The following COMMD10 variants were observed in gnomAD, a reference collection of about 807,000 sequenced individuals.
COMMD10 encodes the protein COMM domain containing 10.
In COMMD10, 33 loss-of-function variants were observed where a neutral mutation model predicts 28.9. The observed-to-expected ratio is 1.14, with a 90% CI of 0.87 to 1.53. The LOEUF (loss-of-function observed/expected upper bound fraction) is 1.53. Among genes scored for constraint, COMMD10 ranks in the 40% most tolerant of loss-of-function variants. The probability of loss-of-function intolerance (pLI) is 0.00; values close to 1 mark genes in which losing one functional copy is unlikely to be tolerated. For synonymous variants in COMMD10, 110 were observed against 81.7 expected, an observed-to-expected ratio of 1.35 and a Z score of -1.87; for missense variants, 310 against 233.4, an observed-to-expected ratio of 1.33 and a Z score of -2.14.
Position 116,104,613 on chromosome 5 carries a change from T to A in COMMD10, c.399+11913T>A, listed in dbSNP as rs557997343. Among the ~76,000 whole-genome samples, 7 of 151,994 alleles carry A rather than the reference T, an allele frequency of 4.6e-5. No individual in the cohort carries two copies. In the East Asian group the frequency reaches 1.4e-3, roughly 29 times the overall value. ...TAAACACAGACAATTTGACTTCCTC[T>A]TTTCTTTTTTTTCTTTTTTTTTTTG... On this transcript the variant is annotated intron_variant, in intron 4 of 6. Coordinates refer to ENST00000274458, the MANE Select transcript of COMMD10 (RefSeq NM_016144.4).
At chr5:116,102,963 C>T (rs1005154002) in intron 4 of COMMD10, among the ~76,000 whole-genome samples, 10 of 152,122 alleles carry the variant, frequency 6.6e-5, no homozygotes, top group East Asian at 3.9e-4. Flanking sequence ...TGATGGTTTC[C>T]GGCTTCATCC....
intron 5 of COMMD10, among the ~76,000 whole-genome samples, chr5:116,139,891 G>C (rs2112779845): frequency 6.6e-6 from 1 of 151,450 alleles, no homozygotes. Flanking sequence ...TTGTGTTTGT[G>C]GTTAAAGCAC....
chr5:116,271,454 A>G (rs1334908132), intron 5 of COMMD10, among the ~76,000 whole-genome samples: 2 of 151,428 alleles, frequency 1.3e-5, no homozygotes, highest in African/African-American at 4.9e-5. Context: ...TACTTTGTAT[A>G]CTTTTGTTTC....
chr5:116,244,217 T>C (rs1749883655), intron 5 of COMMD10, among the ~76,000 whole-genome samples: 1 of 152,086 alleles, frequency 6.6e-6, no homozygotes, highest in Non-Finnish European at 1.5e-5. Context: ...TTTCATTTTT[T>C]TTCTTTTTTA....
intron 5 of COMMD10, among the ~76,000 whole-genome samples, chr5:116,180,798 C>A (rs1260572008): frequency 1.3e-5 from 2 of 152,130 alleles, no homozygotes; most frequent in East Asian, 3.9e-4. Flanking sequence ...CTATTGACGA[C>A]ATTTTAATTC....
In COMMD10 at chr5:116,258,034, TG is replaced by T. The variant is rs1750339918; in HGVS notation, c.511-33481del. On this transcript the variant is annotated intron_variant, in intron 5 of 6. Transcript: ENST00000274458. ...TTCAGCAGCTCCAGGAATGGTATAA[TG>T]GTGAATGATGTTTCCATATCAATAC... Among the ~76,000 whole-genome samples, 3 of 151,766 alleles carry T rather than the reference TG, an allele frequency of 2.0e-5. No homozygotes were observed. The South Asian group carries it at 6.2e-4, about 31-fold the overall frequency.
chr5:116,212,878 A>G (rs1749004534), intron 5 of COMMD10, among the ~76,000 whole-genome samples: 1 of 152,108 alleles, frequency 6.6e-6, no homozygotes, highest in Admixed American at 6.6e-5. Context: ...TGGGGTATCC[A>G]TAATAAAATT....
chr5:116,135,550 T>C (rs948696119), intron 5 of COMMD10, among the ~76,000 whole-genome samples: 2 of 152,216 alleles, frequency 1.3e-5, no homozygotes, highest in African/African-American at 4.8e-5. Flanking sequence ...GCAGTTTCAC[T>C]TTCCATAGTT....
intron 5 of COMMD10, among the ~76,000 whole-genome samples, chr5:116,161,416 A>C (rs982963049): frequency 1.3e-5 from 2 of 152,128 alleles, no homozygotes; most frequent in African/African-American, 4.8e-5. Flanking sequence ...ATTTCAGGTG[A>C]AGTTACAAGT....
chr5:116,286,289 A>T, intron 5 of COMMD10, among the ~76,000 whole-genome samples: 1 of 150,054 alleles, frequency 6.7e-6, no homozygotes. Context: ...TGTCAATTTT[A>T]TTGATCTTTT....
At position 116,293,071 on chromosome 5, in the gene COMMD10, A is replaced by G. The variant is rs1457561797; in HGVS notation, c.*582A>G. The stretch of plus-strand genomic sequence containing the variant: ...CTCTGTCAACTTCAGTTTCTCTCTC[A>G]GTTTAATGATTTAATAATAGTCCAG... On this transcript the variant is annotated 3_prime_UTR_variant, in exon 7 of 7. Transcript: ENST00000274458. 2.5e-6 allele frequency: 1 copy of G among 397,088 alleles called. No individual in the cohort carries two copies. Among genetic ancestry groups the G allele is most frequent in the East Asian group, 3.6e-5 (1 of 27,892 alleles). 24.6% of individuals were successfully genotyped at this position (397,088 alleles called of 1,614,324 possible). A position where few individuals can be genotyped will look rare whatever the true frequency, so the allele number is the denominator to read the frequency against.
At chr5:116,101,337 C>T (rs1750651393) in intron 4 of COMMD10, among the ~76,000 whole-genome samples, 1 of 151,994 alleles carries the variant, frequency 6.6e-6, no homozygotes, top group African/African-American at 2.4e-5. Context: ...CATAGAGTTC[C>T]CTTTTCTATA....
At chr5:116,106,034 T>A (rs1193190839) in intron 4 of COMMD10, among the ~76,000 whole-genome samples, 1 of 152,122 alleles carries the variant, frequency 6.6e-6, no homozygotes, top group Non-Finnish European at 1.5e-5. Context: ...CTTCTCTAGT[T>A]CTTTTAATTG....
At chr5:116,215,601 C>T (rs7701783) in intron 5 of COMMD10, among the ~76,000 whole-genome samples, 7,887 of 150,572 alleles carry the variant, frequency 0.052, 285 homozygotes, top group East Asian at 0.13. Flanking sequence ...GCAAGAGAAT[C>T]GCTTGATCCC....
intron 5 of COMMD10, among the ~76,000 whole-genome samples, chr5:116,262,570 CATTA>C (rs1423772757): frequency 1.3e-5 from 2 of 151,646 alleles, no homozygotes; most frequent in African/African-American, 4.9e-5. Flanking sequence ...TTTTCAAGTA[CATTA>C]ATTATGTTTA....
chr5:116,171,648 A>AT (rs1008081975), intron 5 of COMMD10, among the ~76,000 whole-genome samples: 1 of 152,202 alleles, frequency 6.6e-6, no homozygotes. Context: ...CTATTCAGCC[A>AT]TAAAAAAGGG....
At chr5:116,204,670 A>T (rs1008696848) in intron 5 of COMMD10, among the ~76,000 whole-genome samples, 8 of 152,188 alleles carry the variant, frequency 5.3e-5, no homozygotes, top group African/African-American at 1.9e-4. Flanking sequence ...TCACTCATTG[A>T]CACTTAATAT....
rs1751397044 is a variant in COMMD10 at position 116,292,563 on chromosome 5, T to A, written c.*74T>A. 2 of 1,299,490 alleles carry A rather than the reference T, an allele frequency of 1.5e-6. No individual in the cohort carries two copies. Among genetic ancestry groups the A allele is most frequent in the African/African-American group, 1.5e-5 (1 of 67,068 alleles). 80.5% of individuals were successfully genotyped at this position (1,299,490 alleles called of 1,614,324 possible). ...TTGCATTGAAGATACATTGCCAGGT[T>A]GTGTTTTCTGAAGGATTCAGTGACT... On this transcript the variant is annotated 3_prime_UTR_variant, in exon 7 of 7. Coordinates refer to ENST00000274458, the MANE Select transcript of COMMD10 (RefSeq NM_016144.4).
intron 5 of COMMD10, among the ~76,000 whole-genome samples, chr5:116,255,112 G>C (rs535679818): frequency 6.6e-6 from 1 of 151,718 alleles, no homozygotes; most frequent in African/African-American, 2.4e-5. Context: ...CCAAGACTAG[G>C]ATTGCAACCC....
Sources: allele counts gnomAD v4.1 joint callset (sites outside exome capture counted in the v4.1 genomes callset), GRCh38; gene constraint gnomAD v4.1.1; transcripts MANE v1.5; gene names NCBI Gene and HGNC (gene_info 2026-07-23, HGNC 2026-07-21).